Variants in EXOC2 observed in about 807,000 individuals in gnomAD.
The protein encoded by EXOC2 is exocyst complex component 2, also known as SEC5-like 1.
A neutral mutation model predicts 131.8 loss-of-function variants in EXOC2; 70 were observed. The ratio of observed to expected loss-of-function variants is 0.53; its 90% CI spans 0.44 to 0.65. EXOC2 has a LOEUF of 0.65. EXOC2 is among the 30% of genes least tolerant of loss of function. The pLI, the probability that EXOC2 is intolerant of heterozygous loss-of-function variation, is 0.00. For missense variants in EXOC2, 923 were observed against 1,108.6 expected (o/e 0.83, Z 2.38); for synonymous variants, 411 against 398.4 (o/e 1.03, Z -0.38).
chr6:503,209 T>C (rs1764332208), intron 23 of EXOC2, among the ~76,000 whole-genome samples: 2 of 152,112 alleles, frequency 1.3e-5, no homozygotes, highest in African/African-American at 4.8e-5. Context: ...TTGTTCATTC[T>C]AAGGGAATGG....
intron 9 of EXOC2, 52 bp downstream of exon 9, chr6:598,808 T>C: frequency 2.8e-6 from 4 of 1,423,314 alleles, no homozygotes; most frequent in Middle Eastern, 3.8e-4. Context: ...ACATTCCACA[T>C]TCTTCCTATA....
At position 506,541 on chromosome 6, in the gene EXOC2, G is replaced by A. The variant is rs764051210; in HGVS notation, c.2381-6841C>T. Among the ~76,000 whole-genome samples the A allele has an allele frequency of 6.6e-5, 10 of 152,190 alleles. No individual in the cohort carries two copies. The highest frequency in any genetic ancestry group is 1.5e-4 in the Non-Finnish European group (10 of 68,024). On this transcript the variant is annotated intron_variant, in intron 23 of 27. Transcript: ENST00000230449. This position sits in a 1 kb window ranked among gnomAD's most constrained non-coding sequence, Gnocchi z 4.4. ...ATAAACCCCCACAACTTTCCATGTTGTTCAAGCGAGGGAATGAGAAACAGT... is the reference window on the plus strand; with the variant it reads ...ATAAACCCCCACAACTTTCCATGTTATTCAAGCGAGGGAATGAGAAACAGT...
intron 17 of EXOC2, among the ~76,000 whole-genome samples, chr6:561,123 T>C (rs867212881): frequency 1.6e-4 from 25 of 152,372 alleles, no homozygotes; most frequent in African/African-American, 5.8e-4. Context: ...CAAAAAAGCA[T>C]TGCTTTTCTA....
intron 11 of EXOC2, among the ~76,000 whole-genome samples, chr6:577,564 C>T (rs1758652648): frequency 6.6e-6 from 1 of 152,100 alleles, no homozygotes; most frequent in South Asian, 2.1e-4. Flanking sequence ...ATCACAAAAG[C>T]CTTTAGGAAT....
At chr6:681,413 C>T (rs1429917675) in intron 1 of EXOC2, among the ~76,000 whole-genome samples, 2 of 152,142 alleles carry the variant, frequency 1.3e-5, no homozygotes, top group East Asian at 1.9e-4. Context: ...ACACGAAAAC[C>T]AGAAATTCTA....
At chr6:617,606 C>A in intron 6 of EXOC2, 105 bp downstream of exon 6, 1 of 1,397,638 alleles carries the variant, frequency 7.2e-7, no homozygotes, top group African/African-American at 1.4e-5. Flanking sequence ...GAGATCTCTA[C>A]TTTGATAAAA....
intron 1 of EXOC2, chr6:656,061 T>C: frequency 1.4e-6 from 2 of 1,427,572 alleles, no homozygotes. Flanking sequence ...TGTTTTAGTT[T>C]TGAAAAGATC....
intron 1 of EXOC2, among the ~76,000 whole-genome samples, chr6:664,868 C>G (rs1763569746): frequency 6.6e-6 from 1 of 152,198 alleles, no homozygotes; most frequent in South Asian, 2.1e-4. Context: ...CCCTTCTAGA[C>G]ATTGGCTTAG....
At chr6:673,502 T>C (rs184928275) in intron 1 of EXOC2, among the ~76,000 whole-genome samples, 11 of 152,290 alleles carry the variant, frequency 7.2e-5, no homozygotes, top group African/African-American at 2.6e-4. Context: ...AAAAGATTTC[T>C]ATTTCTTGGA....
intron 23 of EXOC2, among the ~76,000 whole-genome samples, chr6:509,158 T>C (rs1023120156): frequency 2.0e-5 from 3 of 152,256 alleles, no homozygotes; most frequent in African/African-American, 7.2e-5. Flanking sequence ...CCTTATAATT[T>C]TTGATGGCTG....
In EXOC2 at chr6:529,250, A is replaced by G. The variant is rs150599994; in HGVS notation, c.2380+3219T>C. ...CCCTTCAGGGAATGGGCCTTCATAG[A>G]TGTCTGTTTTCCGAAGACACCTTGG... On this transcript the variant is annotated intron_variant, in intron 23 of 27. Coordinates refer to ENST00000230449, the MANE Select transcript of EXOC2 (RefSeq NM_018303.6). Among the ~76,000 whole-genome samples, 5 of 152,268 alleles carry G rather than the reference A, an allele frequency of 3.3e-5. No homozygotes were observed. In the South Asian group the frequency reaches 8.3e-4, roughly 25 times the overall value.
intron 1 of EXOC2, among the ~76,000 whole-genome samples, chr6:657,841 T>C (rs1193921770): frequency 1.3e-5 from 2 of 151,360 alleles, no homozygotes; most frequent in Non-Finnish European, 2.9e-5. Flanking sequence ...TTACTGAGTT[T>C]ATTTTTCTTG....
intron 1 of EXOC2, among the ~76,000 whole-genome samples, chr6:664,410 T>A (rs1237156328): frequency 1.4e-5 from 2 of 142,664 alleles, no homozygotes; most frequent in Admixed American, 1.4e-4. Context: ...CCTACCACCA[T>A]CACTCTACAC....
chr6:687,168 A>ATTTTTTTTT (rs1292769233), intron 1 of EXOC2, among the ~76,000 whole-genome samples: 7 of 40,692 alleles, frequency 1.7e-4, no homozygotes, highest in African/African-American at 3.4e-4. Flanking sequence ...ATCAAATAAT[A>ATTTTTTTTT]TTCTTTTTTT....
chr6:489,252 CT>C (rs1763281717), intron 26 of EXOC2, among the ~76,000 whole-genome samples: 1 of 152,062 alleles, frequency 6.6e-6, no homozygotes, highest in Admixed American at 6.5e-5. Context: ...GTCAGAAAAA[CT>C]CAAATAGGAA....
At chr6:509,168 G>A (rs1045418718) in intron 23 of EXOC2, among the ~76,000 whole-genome samples, 1 of 152,212 alleles carries the variant, frequency 6.6e-6, no homozygotes, top group Admixed American at 6.5e-5. Context: ...TTTGATGGCT[G>A]CTTAGTATTC....
chr6:618,188 A>C (rs1348873572), intron 5 of EXOC2, among the ~76,000 whole-genome samples: 1 of 152,226 alleles, frequency 6.6e-6, no homozygotes, highest in African/African-American at 2.4e-5. Flanking sequence ...CTAGGTAAGA[A>C]GACACAGATC....
chr6:598,025 T>C lies in EXOC2; in HGVS notation c.1069A>G (p.Ile357Val), dbSNP rs1320715369. 3.7e-6 allele frequency: 6 copies of C among 1,609,884 alleles called. No homozygotes were observed. The highest frequency in any genetic ancestry group is 2.2e-5 in the East Asian group (1 of 44,848). The change falls in exon 10 of 28, where the codon ATA becomes GTA. Residue 357 changes from isoleucine (I) to valine (V), a missense_variant. Coordinates refer to ENST00000230449, the MANE Select transcript of EXOC2 (RefSeq NM_018303.6). ...AAATGTTTGCAGAAGATTTACCTTA[T>C]GTAACGTTTTTGGTCATGTAAAGTT... ...PSTLHDQKRYIRYLSDLHASG... is the reference protein window; with the variant it reads ...PSTLHDQKRYVRYLSDLHASG...
At chr6:513,399 A>C (rs1764965413) in intron 23 of EXOC2, among the ~76,000 whole-genome samples, 1 of 152,264 alleles carries the variant, frequency 6.6e-6, no homozygotes, top group Non-Finnish European at 1.5e-5. Flanking sequence ...ACCAAGGAGG[A>C]AAATGAGAAG....
Sources: gnomAD v4.1 joint callset for allele counts (sites outside exome capture counted in the v4.1 genomes callset) on GRCh38, gnomAD v4.1.1 for gene constraint, Gnocchi (gnomAD v3.1) non-coding constraint, MANE v1.5 for transcripts, NCBI Gene and HGNC (gene_info 2026-07-23, HGNC 2026-07-21) for gene names.